SPMIP2: variants seen among roughly 807,000 people sequenced by gnomAD.
SPMIP2 encodes sperm microtubule inner protein 2.
the SPMIP2 span, among the ~76,000 whole-genome samples, chr4:158,989,970 G>C: frequency 6.6e-6 from 1 of 152,116 alleles, no homozygotes; most frequent in Non-Finnish European, 1.5e-5. Context: ...AGAAAATTTT[G>C]CAATCTATCC....
the SPMIP2 span, chr4:158,895,938 G>C: frequency 8.7e-7 from 1 of 1,145,790 alleles, no homozygotes; most frequent in Non-Finnish European, 1.3e-6. Context: ...AACGTGTTTA[G>C]CCTGTGTCAC....
chr4:158,947,781 T>A, the SPMIP2 span, among the ~76,000 whole-genome samples: 1 of 152,110 alleles, frequency 6.6e-6, no homozygotes, highest in Non-Finnish European at 1.5e-5. Context: ...ATGTGTAATA[T>A]CTAACTAATA....
At chr4:158,989,761 C>G in the SPMIP2 span, among the ~76,000 whole-genome samples, 1 of 152,134 alleles carries the variant, frequency 6.6e-6, no homozygotes, top group Non-Finnish European at 1.5e-5. Flanking sequence ...AATGTAAGAC[C>G]TAAAACCATA....
chr4:158,951,875 C>T, the SPMIP2 span, among the ~76,000 whole-genome samples: 4 of 152,188 alleles, frequency 2.6e-5, no homozygotes, highest in African/African-American at 9.6e-5. Context: ...GTTTTCCATA[C>T]ATTCTCACTA....
chr4:158,939,948 C>CTA, the SPMIP2 span, among the ~76,000 whole-genome samples: 1 of 152,196 alleles, frequency 6.6e-6, no homozygotes, highest in Non-Finnish European at 1.5e-5. Flanking sequence ...ATCTTATTTC[C>CTA]TATACATTGT....
At chr4:159,070,459 T>C in the SPMIP2 span, among the ~76,000 whole-genome samples, 3 of 152,356 alleles carry the variant, frequency 2.0e-5, no homozygotes, top group East Asian at 3.9e-4. Context: ...GTTGCTTTAA[T>C]AGTTCACTAA....
chr4:159,010,789 G>A, the SPMIP2 span, among the ~76,000 whole-genome samples: 1 of 152,120 alleles, frequency 6.6e-6, no homozygotes. Flanking sequence ...TCAGCTCCAC[G>A]CTCCACACCA....
the SPMIP2 span, among the ~76,000 whole-genome samples, chr4:159,080,569 A>G: frequency 4.6e-5 from 7 of 152,182 alleles, no homozygotes; most frequent in Admixed American, 3.9e-4. Context: ...TTATTGTGAC[A>G]TATAGATTAA....
the SPMIP2 span, among the ~76,000 whole-genome samples, chr4:159,053,913 T>C: frequency 3.9e-5 from 5 of 128,272 alleles, no homozygotes; most frequent in Non-Finnish European, 8.2e-5. Context: ...TAGTGAAACT[T>C]GTCTCAAAAA....
the SPMIP2 span, among the ~76,000 whole-genome samples, chr4:159,029,173 T>C: frequency 6.6e-6 from 1 of 152,254 alleles, no homozygotes; most frequent in South Asian, 2.1e-4. Flanking sequence ...GTAAAACTTC[T>C]GTGGAAGAAT....
At chr4:159,045,795 C>T in the SPMIP2 span, among the ~76,000 whole-genome samples, 3 of 152,282 alleles carry the variant, frequency 2.0e-5, no homozygotes, top group Admixed American at 6.5e-5. Flanking sequence ...CAAGATCTCT[C>T]GTAAGATTGC....
the SPMIP2 span, among the ~76,000 whole-genome samples, chr4:159,037,043 A>C: frequency 1.3e-5 from 2 of 152,238 alleles, no homozygotes; most frequent in Admixed American, 6.5e-5. Context: ...AAGGAACCTA[A>C]ATGAAGAAAG....
At chr4:158,922,576 T>G in the SPMIP2 span, among the ~76,000 whole-genome samples, 1 of 152,360 alleles carries the variant, frequency 6.6e-6, no homozygotes, top group South Asian at 2.1e-4. Context: ...CAATCATGTT[T>G]TAGGTCACTT....
the SPMIP2 span, among the ~76,000 whole-genome samples, chr4:158,942,917 A>C: frequency 6.6e-6 from 1 of 152,212 alleles, no homozygotes; most frequent in Non-Finnish European, 1.5e-5. Flanking sequence ...CCAGATGATA[A>C]GCTCTTTTAG....
At chr4:159,059,055 A>C in the SPMIP2 span, among the ~76,000 whole-genome samples, 1 of 152,260 alleles carries the variant, frequency 6.6e-6, no homozygotes, top group Non-Finnish European at 1.5e-5. Context: ...GTGAGAGCTT[A>C]AATTCTAAAA....
At chr4:158,960,268 A>G in the SPMIP2 span, 11 of 1,432,496 alleles carry the variant, frequency 7.7e-6, no homozygotes, top group Non-Finnish European at 1.1e-5. Flanking sequence ...TAATAAAAAT[A>G]TATTCATATT....
chr4:158,967,460 A>G, the SPMIP2 span, among the ~76,000 whole-genome samples: 4 of 152,240 alleles, frequency 2.6e-5, no homozygotes, highest in Non-Finnish European at 4.4e-5. Context: ...GATGCAAATA[A>G]CTATAAGTAA....
At chr4:159,068,274 C>T in the SPMIP2 span, among the ~76,000 whole-genome samples, 14 of 152,074 alleles carry the variant, frequency 9.2e-5, no homozygotes, top group Non-Finnish European at 1.6e-4. Flanking sequence ...TGTCCAACAA[C>T]GATAGACTGG....
At chr4:159,007,372 G>T in the SPMIP2 span, 1 of 681,308 alleles carries the variant, frequency 1.5e-6, no homozygotes, top group African/African-American at 1.8e-5. Context: ...AGCAGGAGAT[G>T]AAAGAAGTCC....
Sources: allele counts gnomAD v4.1 joint callset (sites outside exome capture counted in the v4.1 genomes callset), GRCh38; gene constraint gnomAD v4.1.1; transcripts MANE v1.5; gene names NCBI Gene and HGNC (gene_info 2026-07-23, HGNC 2026-07-21).